GRID2: variants seen among roughly 807,000 people sequenced by gnomAD.
GRID2 encodes the protein glutamate receptor ionotropic, delta-2.
In GRID2, 33 loss-of-function variants were observed where a neutral mutation model predicts 114.8. The observed-to-expected ratio is 0.29, with a 90% CI of 0.22 to 0.38. The LOEUF (loss-of-function observed/expected upper bound fraction) is 0.38, where lower values mean the gene tolerates loss of function less well. Among genes scored for constraint, GRID2 ranks in the 10% least tolerant of loss-of-function variants. The pLI is 1.00. For missense variants in GRID2, 1,184 were observed against 1,257.7 expected, an observed-to-expected ratio of 0.94 and a Z score of 0.89; for synonymous variants, 505 against 449.9, an observed-to-expected ratio of 1.12 and a Z score of -1.55.
chr4:92,315,293 C>A (rs1725909062), intron 1 of GRID2, among the ~76,000 whole-genome samples: 1 of 152,082 alleles, frequency 6.6e-6, no homozygotes, highest in African/African-American at 2.4e-5. Context: ...GTTGTTTCTG[C>A]TCTGATACAT....
At chr4:93,389,564 A>T (rs1367608797) in intron 8 of GRID2, among the ~76,000 whole-genome samples, 2 of 152,196 alleles carry the variant, frequency 1.3e-5, no homozygotes, top group Non-Finnish European at 2.9e-5. Context: ...CAATACAACA[A>T]TACTATGATA....
At chr4:92,996,031 T>TG (rs1755176068) in intron 2 of GRID2, among the ~76,000 whole-genome samples, 1 of 152,102 alleles carries the variant, frequency 6.6e-6, no homozygotes, top group African/African-American at 2.4e-5. Context: ...GGCTCATGCC[T>TG]GTAATCCCAG....
chr4:93,087,204 T>G (rs909798520), intron 3 of GRID2, among the ~76,000 whole-genome samples: 3 of 129,398 alleles, frequency 2.3e-5, no homozygotes, highest in African/African-American at 9.3e-5. Flanking sequence ...CTAGCTATTG[T>G]TTTTTTTTTG....
chr4:93,541,010 C>G, intron 13 of GRID2, among the ~76,000 whole-genome samples: 1 of 152,058 alleles, frequency 6.6e-6, no homozygotes, highest in Non-Finnish European at 1.5e-5. Flanking sequence ...ATATGCTACT[C>G]CTAGCATCAT....
intron 14 of GRID2, among the ~76,000 whole-genome samples, chr4:93,730,838 AAG>A (rs1202748734): frequency 4.6e-5 from 7 of 152,212 alleles, no homozygotes; most frequent in Admixed American, 3.3e-4. Flanking sequence ...GCTCCAAACA[AAG>A]AGAGCTCTGA....
At chr4:92,754,989 T>C (rs28391536) in intron 2 of GRID2, among the ~76,000 whole-genome samples, 153 of 152,312 alleles carry the variant, frequency 1.0e-3, no homozygotes, top group African/African-American at 3.5e-3. Context: ...TGATATTCTT[T>C]ACATGACCTG....
intron 14 of GRID2, among the ~76,000 whole-genome samples, chr4:93,631,407 T>G (rs933164922): frequency 6.6e-5 from 10 of 152,270 alleles, no homozygotes; most frequent in African/African-American, 2.4e-4. Flanking sequence ...GATGCTCCCC[T>G]TCCCGTGTCC....
intron 2 of GRID2, among the ~76,000 whole-genome samples, chr4:92,769,554 C>A (rs1397109207): frequency 3.3e-5 from 5 of 152,200 alleles, no homozygotes; most frequent in Admixed American, 2.6e-4. Context: ...CATGAGAGCA[C>A]CATCCCTGCA....
intron 9 of GRID2, among the ~76,000 whole-genome samples, chr4:93,398,133 G>GTGTGTGTGTGTATATATATATATATA: frequency 3.2e-4 from 39 of 122,346 alleles, no homozygotes; most frequent in Admixed American, 2.2e-3. Flanking sequence ...ATGTGTGTGT[G>GTGTGTGTGTGTATATATATATATATA]TATATATATA....
At chr4:92,325,433 A>G (rs1293738761) in intron 1 of GRID2, among the ~76,000 whole-genome samples, 2 of 151,886 alleles carry the variant, frequency 1.3e-5, no homozygotes, top group South Asian at 4.1e-4. Context: ...CATAAATATA[A>G]TAAATGTAAT....
intron 11 of GRID2, 135 bp from the exon 12 acceptor site, chr4:93,490,504 A>G (rs962681570): frequency 3.6e-6 from 2 of 563,284 alleles, no homozygotes; most frequent in Non-Finnish European, 6.4e-6. Context: ...TGATGAAAAT[A>G]TAGAGATCTA....
chr4:92,554,610 T>A (rs1181774234), intron 1 of GRID2, among the ~76,000 whole-genome samples: 1 of 152,194 alleles, frequency 6.6e-6, no homozygotes, highest in African/African-American at 2.4e-5. Flanking sequence ...TAATGTAATT[T>A]TTGGTAGAAA....
intron 2 of GRID2, among the ~76,000 whole-genome samples, chr4:92,850,843 A>G (rs1335745121): frequency 3.3e-5 from 5 of 151,942 alleles, no homozygotes; most frequent in Non-Finnish European, 5.9e-5. Flanking sequence ...CCATTTGAGC[A>G]ATAAATTTCT....
intron 1 of GRID2, among the ~76,000 whole-genome samples, chr4:92,381,114 T>C (rs539695982): frequency 5.9e-4 from 89 of 152,082 alleles, no homozygotes; most frequent in Non-Finnish European, 1.1e-3. Context: ...TTAAGTGTTT[T>C]ATATGTGTAA....
At chr4:92,412,041 T>C (rs1292773979) in intron 1 of GRID2, among the ~76,000 whole-genome samples, 1 of 151,930 alleles carries the variant, frequency 6.6e-6, no homozygotes, top group East Asian at 1.9e-4. Flanking sequence ...CCTAGACTAA[T>C]CCAATAACCA....
intron 1 of GRID2, among the ~76,000 whole-genome samples, chr4:92,446,063 A>G (rs182306841): frequency 2.1e-4 from 32 of 152,224 alleles, no homozygotes; most frequent in African/African-American, 7.7e-4. Flanking sequence ...CTCATGCCTC[A>G]AGCTCTGGAG....
intron 2 of GRID2, among the ~76,000 whole-genome samples, chr4:92,593,668 G>T (rs910411105): frequency 6.6e-6 from 1 of 151,468 alleles, no homozygotes; most frequent in Non-Finnish European, 1.5e-5. Flanking sequence ...ATGAATAATA[G>T]AAAAAAATTT....
chr4:93,551,837 G>A (rs1160167755), intron 13 of GRID2, among the ~76,000 whole-genome samples: 1 of 152,096 alleles, frequency 6.6e-6, no homozygotes, highest in Non-Finnish European at 1.5e-5. Flanking sequence ...ACACACTGAT[G>A]GCTTACATTG....
Position 92,935,585 on chromosome 4 carries a change from C to G in GRID2, c.245-149410C>G, listed in dbSNP as rs577125309. The stretch of plus-strand genomic sequence containing the variant: ...ATGCTGCTATAAAAACACACACACA[C>G]GTATGTTTATTGCGGCACTATTCAC... On this transcript the variant is annotated intron_variant, in intron 2 of 15. Coordinates refer to ENST00000282020, the MANE Select transcript of GRID2 (RefSeq NM_001510.4). 3.2e-4 allele frequency among the ~76,000 whole-genome samples: 47 copies of G among 146,530 alleles called. 10 individuals are homozygous for G. In the South Asian group the frequency reaches 8.8e-3, roughly 27 times the overall value.
Sources: gnomAD v4.1 joint callset for allele counts (sites outside exome capture counted in the v4.1 genomes callset) on GRCh38, gnomAD v4.1.1 for gene constraint, MANE v1.5 for transcripts, NCBI Gene and HGNC (gene_info 2026-07-23, HGNC 2026-07-21) for gene names.